NCAM2: variants seen among roughly 807,000 people sequenced by gnomAD.
NCAM2 encodes the protein N-CAM-2.
Under a neutral mutation model 98.1 loss-of-function variants are expected in NCAM2, and 30 were observed. That is an observed-to-expected ratio of 0.31 (90% CI 0.23 to 0.41). NCAM2 has a LOEUF of 0.41. Ranked by LOEUF, NCAM2 falls within the 10% of genes least tolerant of loss-of-function variation. NCAM2 has a pLI of 1.00. For synonymous variants in NCAM2, 368 were observed against 342.4 expected, an observed-to-expected ratio of 1.07 and a Z score of -0.83; for missense variants, 867 against 1,005.8, an observed-to-expected ratio of 0.86 and a Z score of 1.87.
chr21:21,301,370 CTT>C (rs67139641), intron 5 of NCAM2, among the ~76,000 whole-genome samples: 63,192 of 146,158 alleles, frequency 0.43, 14,741 homozygotes, highest in Non-Finnish European at 0.54. Context: ...AGTTTGGGGT[CTT>C]TTTTTTTTTC....
At chr21:21,361,087 C>A (rs2075632986) in intron 8 of NCAM2, among the ~76,000 whole-genome samples, 1 of 152,072 alleles carries the variant, frequency 6.6e-6, no homozygotes, top group African/African-American at 2.4e-5. Context: ...TGTATGTTAC[C>A]ATGAATGAAA....
intron 5 of NCAM2, among the ~76,000 whole-genome samples, chr21:21,292,523 A>G (rs2073335303): frequency 6.6e-6 from 1 of 151,954 alleles, no homozygotes; most frequent in African/African-American, 2.4e-5. Context: ...AAGAATATCA[A>G]ATAAACATAG....
At chr21:21,368,146 AT>A (rs2075830584) in intron 8 of NCAM2, among the ~76,000 whole-genome samples, 1 of 151,976 alleles carries the variant, frequency 6.6e-6, no homozygotes, top group African/African-American at 2.4e-5. Context: ...ATGTATTAAA[AT>A]ATGGGTACTT....
At position 21,218,026 on chromosome 21, in the gene NCAM2, T is replaced by C. The variant is rs201887300; in HGVS notation, c.56-62552T>C. On this transcript the variant is annotated intron_variant, in intron 1 of 17. Coordinates refer to ENST00000400546, the MANE Select transcript of NCAM2 (RefSeq NM_004540.5). ...TGTGAGCACCTTGATTTTGGCCCTG[T>C]GCAGACGGCTAGCTGTTCCATATTG... Among the ~76,000 whole-genome samples, 3 of 152,222 alleles carry C rather than the reference T, an allele frequency of 2.0e-5. No homozygotes were observed. In the East Asian group the frequency reaches 5.8e-4, roughly 29 times the overall value.
chr21:21,450,707 A>G (rs1980903075), intron 12 of NCAM2, among the ~76,000 whole-genome samples: 1 of 151,608 alleles, frequency 6.6e-6, no homozygotes, highest in Non-Finnish European at 1.5e-5. Context: ...TCCACTTATT[A>G]TGTCCAATAT....
At chr21:21,021,820 AGT>A (rs2064443210) in intron 1 of NCAM2, among the ~76,000 whole-genome samples, 1 of 152,160 alleles carries the variant, frequency 6.6e-6, no homozygotes, top group South Asian at 2.1e-4. Context: ...CATATAATCC[AGT>A]GTTAGAGTTT....
chr21:21,412,596 C>T lies in NCAM2; in HGVS notation c.1383+2135C>T, dbSNP rs1346464903. ...TATATAGTGTATGCTATTTAAACTT[C>T]TGCCTAAAGACATCCCTCTGCACTC... On this transcript the variant is annotated intron_variant, in intron 10 of 17. Transcript: ENST00000400546. 2.0e-5 allele frequency among the ~76,000 whole-genome samples: 3 copies of T among 152,138 alleles called. No homozygotes were observed. The South Asian group carries it at 6.2e-4, about 31-fold the overall frequency.
Position 21,166,268 on chromosome 21 carries a change from C to T in NCAM2, c.56-114310C>T, listed in dbSNP as rs563800835. ...TGTCGCCCAGGCTGGAGTGCAGTGGCGCCATCTCAGCTCACTGCAACCTCC... is the reference window on the plus strand; with the variant it reads ...TGTCGCCCAGGCTGGAGTGCAGTGGTGCCATCTCAGCTCACTGCAACCTCC... On this transcript the variant is annotated intron_variant, in intron 1 of 17. Coordinates refer to ENST00000400546, the MANE Select transcript of NCAM2 (RefSeq NM_004540.5). Among the ~76,000 whole-genome samples, 312 of 152,218 alleles carry T rather than the reference C, an allele frequency of 2.0e-3. 1 individual carries two copies. Among genetic ancestry groups the T allele is most frequent in the Middle Eastern group, 3.4e-3 (1 of 294 alleles).
At chr21:21,410,560 A>C in intron 10 of NCAM2, 99 bp downstream of exon 10, 2 of 597,238 alleles carry the variant, frequency 3.3e-6, no homozygotes, top group Non-Finnish European at 5.1e-6. Flanking sequence ...TATATATATA[A>C]TAAGAGAGAG....
intron 1 of NCAM2, among the ~76,000 whole-genome samples, chr21:21,110,867 C>T (rs1220261383): frequency 1.3e-5 from 2 of 151,802 alleles, no homozygotes; most frequent in Admixed American, 6.6e-5. Context: ...GATTATAACA[C>T]AGAGTCAGTG....
At chr21:21,265,793 A>G (rs2072246778) in intron 1 of NCAM2, among the ~76,000 whole-genome samples, 1 of 152,018 alleles carries the variant, frequency 6.6e-6, no homozygotes, top group Admixed American at 6.6e-5. Context: ...ATAATGACCT[A>G]CTGAGTACTA....
intron 1 of NCAM2, among the ~76,000 whole-genome samples, chr21:21,173,211 C>T (rs1203193214): frequency 1.3e-5 from 2 of 151,938 alleles, no homozygotes; most frequent in African/African-American, 4.8e-5. Flanking sequence ...AAAGATATCC[C>T]AGGGAATTAT....
intron 9 of NCAM2, among the ~76,000 whole-genome samples, chr21:21,381,773 AT>A (rs559085860): frequency 1.2e-3 from 186 of 152,278 alleles, no homozygotes; most frequent in African/African-American, 3.9e-3. Flanking sequence ...AACTAAAAAA[AT>A]ATTTTATATG....
chr21:21,018,098 C>T (rs529488956), intron 1 of NCAM2, among the ~76,000 whole-genome samples: 1 of 152,266 alleles, frequency 6.6e-6, no homozygotes, highest in Non-Finnish European at 1.5e-5. Flanking sequence ...AAACATTGGA[C>T]TCATTATTCA....
rs73334345 is a variant in NCAM2, at chr21:21,168,709, A to T, written c.56-111869A>T. Among the ~76,000 whole-genome samples, 613 of 152,296 alleles carry T rather than the reference A, an allele frequency of 4.0e-3. 10 individuals are homozygous for T. The highest frequency in any genetic ancestry group is 0.014 in the African/African-American group (589 of 41,572). ...ACATTACTATATTAATACTTTCCAA[A>T]ATGAAATATTAGAGTATAAATCTAA... On this transcript the variant is annotated intron_variant, in intron 1 of 17. Coordinates refer to ENST00000400546, the MANE Select transcript of NCAM2 (RefSeq NM_004540.5).
At chr21:21,430,376 C>A (rs1358410715) in intron 11 of NCAM2, among the ~76,000 whole-genome samples, 1 of 99,446 alleles carries the variant, frequency 1.0e-5, no homozygotes, top group African/African-American at 3.4e-5. Flanking sequence ...ACATGTACTG[C>A]ATATTTATCA....
At chr21:21,066,672 C>T (rs898189684) in intron 1 of NCAM2, among the ~76,000 whole-genome samples, 10 of 151,932 alleles carry the variant, frequency 6.6e-5, no homozygotes, top group Admixed American at 4.6e-4. Context: ...TTTGTTGTTT[C>T]GTCTTTTACT....
At position 21,509,032 on chromosome 21, in the gene NCAM2, C is replaced by T. The variant is rs1411982097; in HGVS notation, c.2259C>T (p.Leu753=). The T allele has an allele frequency of 3.1e-6, 5 of 1,613,114 alleles. No individual in the cohort carries two copies. Among genetic ancestry groups the T allele is most frequent in the Non-Finnish European group, 4.2e-6 (5 of 1,179,678 alleles). ...KSGSSGKSKE[L]EEGKAAYLKD... ...GCTCCAGTGGCAAAAGTAAAGAACT[C>T]GAAGAAGGAAAAGCTGCATACCTGT... The change falls in exon 16 of 18, where the codon CTC becomes CTT. Residue 753 remains leucine (L), a synonymous_variant. Coordinates refer to ENST00000400546, the MANE Select transcript of NCAM2 (RefSeq NM_004540.5).
intron 1 of NCAM2, among the ~76,000 whole-genome samples, chr21:21,161,624 A>T (rs8130957): frequency 1 from 151,808 of 151,808 alleles, 75,904 homozygotes; most frequent in Non-Finnish European, 1. Context: ...CATGTATAGG[A>T]TATATATGTG....
Sources: allele counts gnomAD v4.1 joint callset (sites outside exome capture counted in the v4.1 genomes callset), GRCh38; gene constraint gnomAD v4.1.1; transcripts MANE v1.5; gene names NCBI Gene and HGNC (gene_info 2026-07-23, HGNC 2026-07-21).